OSGIN1: variants seen among roughly 807,000 people sequenced by gnomAD.
OSGIN1 encodes the protein oxidative stress-induced growth inhibitor 1.
Under a neutral mutation model 20.1 loss-of-function variants are expected in OSGIN1, and 19 were observed. The observed-to-expected ratio is 0.95, with a 90% CI of 0.66 to 1.39. OSGIN1 has a LOEUF of 1.39. OSGIN1 is among the 40% of genes most tolerant of loss of function. The probability of loss-of-function intolerance (pLI) is 0.00; values close to 1 mark genes in which losing one functional copy is unlikely to be tolerated. For missense variants in OSGIN1, 820 were observed against 653.0 expected (o/e 1.26, Z -2.79); for synonymous variants, 368 against 297.8 (o/e 1.24, Z -2.43).
rs1361979896 is a variant in OSGIN1 at position 83,953,340 on chromosome 16, C to G, written c.-63C>G. The G allele has an allele frequency of 2.3e-6, 3 of 1,288,962 alleles. No individual in the cohort carries two copies. The highest frequency in any genetic ancestry group is 1.5e-5 in the African/African-American group (1 of 65,964). 79.8% of individuals were successfully genotyped at this position (1,288,962 alleles called of 1,614,324 possible). ...CCTCCTAGTGCACAACTTGGCCGGG[C>G]TCACTGGGCTCCTGCACCACTGCCT... On this transcript the variant is annotated 5_prime_UTR_variant, in exon 1 of 6. Transcript: ENST00000393306.
chr16:83,957,803 G>T, intron 2 of OSGIN1, 65 bp downstream of exon 2: 1 of 849,140 alleles, frequency 1.2e-6, no homozygotes, highest in Non-Finnish European at 1.8e-6. Context: ...CCAGGTCTGA[G>T]GGCAGGAGCT....
chr16:83,961,327 C>G (rs1490958439), intron 5 of OSGIN1: 2 of 452,776 alleles, frequency 4.4e-6, no homozygotes. Flanking sequence ...AAAGCTGGGC[C>G]AGCTTGAAGC....
intron 2 of OSGIN1, among the ~76,000 whole-genome samples, chr16:83,958,519 A>G (rs1464451069): frequency 6.6e-6 from 1 of 152,196 alleles, no homozygotes. Flanking sequence ...TGAGATGGTC[A>G]TTTCTGTAAG....
At chr16:83,963,337 T>G (rs1273823113) in intron 5 of OSGIN1, among the ~76,000 whole-genome samples, 3 of 152,124 alleles carry the variant, frequency 2.0e-5, no homozygotes, top group Non-Finnish European at 4.4e-5. Flanking sequence ...AAACCATCCT[T>G]TTACATGGCC....
chr16:83,957,437 C>G (rs913780280), intron 1 of OSGIN1, among the ~76,000 whole-genome samples: 3 of 152,060 alleles, frequency 2.0e-5, no homozygotes, highest in East Asian at 1.9e-4. Context: ...TTCTGCATGA[C>G]TGGGGAGGGG....
intron 1 of OSGIN1, 54 bp from the exon 2 acceptor site, chr16:83,957,586 G>A (rs1042021656): frequency 1.0e-4 from 91 of 907,040 alleles, no homozygotes; most frequent in Non-Finnish European, 1.5e-4. Flanking sequence ...GTGGCTGTGT[G>A]GACACCCAGG....
In OSGIN1 at chr16:83,965,462, GCGGCCGACGCGGTCCTCTA is replaced by G; in HGVS notation, c.892_910del (p.Ala298ProfsTer8). ...CCTCATCATTGGCGCGGGGCTGTCA[GCGGCCGACGCGGTCCTCTA>G]CGCCCGCCACTACAACATCCCGGTG... is the stretch of plus-strand genomic sequence containing the variant. On this transcript the variant is annotated frameshift_variant, in exon 6 of 6. Coordinates refer to ENST00000393306, the MANE Select transcript of OSGIN1 (RefSeq NM_182981.3). LOFTEE classifies it low-confidence loss of function (END_TRUNC). 6.2e-7 allele frequency: 1 copy of G among 1,601,978 alleles called. No homozygotes were observed. Among genetic ancestry groups the G allele is most frequent in the Non-Finnish European group, 8.5e-7 (1 of 1,177,700 alleles).
At chr16:83,962,603 C>A (rs1177046789) in intron 5 of OSGIN1, among the ~76,000 whole-genome samples, 4 of 152,196 alleles carry the variant, frequency 2.6e-5, no homozygotes, top group Non-Finnish European at 4.4e-5. Flanking sequence ...TCAGGAGGTC[C>A]TGATAACATG....
chr16:83,958,956 C>T (rs1251359551), intron 2 of OSGIN1, among the ~76,000 whole-genome samples: 2 of 152,144 alleles, frequency 1.3e-5, no homozygotes, highest in African/African-American at 2.4e-5. Flanking sequence ...CTCTCTGTGC[C>T]CATTTCCTCA....
intron 5 of OSGIN1, among the ~76,000 whole-genome samples, chr16:83,962,273 C>G (rs139933279): frequency 1.7e-3 from 258 of 152,302 alleles, no homozygotes; most frequent in African/African-American, 5.7e-3. Context: ...AAGTCTCCCT[C>G]TGTCGCCCAG....
chr16:83,958,594 T>C (rs1909052929), intron 2 of OSGIN1, among the ~76,000 whole-genome samples: 1 of 152,164 alleles, frequency 6.6e-6, no homozygotes, highest in Non-Finnish European at 1.5e-5. Context: ...ATGAGTAATA[T>C]TCCGAATCAG....
rs1475259523 is a variant in OSGIN1 at position 83,965,227 on chromosome 16, C to T, written c.654C>T (p.Pro218=). ...PSSCGAQDSS[P]LFQVSGFLTR... ...GCTGTGGGGCCCAGGACTCCAGCCC[C>T]CTCTTCCAGGTGAGCGGCTTCCTGA... The change falls in exon 6 of 6, where the codon CCC becomes CCT. Residue 218 remains proline (P), a synonymous_variant. Coordinates refer to ENST00000393306, the MANE Select transcript of OSGIN1 (RefSeq NM_182981.3). The T allele has an allele frequency of 6.2e-7, 1 of 1,612,762 alleles. No homozygotes were observed. Among genetic ancestry groups the T allele is most frequent in the African/African-American group, 1.3e-5 (1 of 74,950 alleles).
Position 83,956,166 on chromosome 16 carries a change from G to A in OSGIN1, c.-32-1474G>A, listed in dbSNP as rs960684672. 4.6e-5 allele frequency among the ~76,000 whole-genome samples: 7 copies of A among 152,290 alleles called. 1 individual carries two copies. The highest frequency in any genetic ancestry group is 2.6e-4 in the Admixed American group (4 of 15,286). ...GGTCAGTTGTTGTCACTGTGGGGGC[G>A]ACACATAGGTCCTCTCAGTGGCCCA... On this transcript the variant is annotated intron_variant, in intron 1 of 5. Coordinates refer to ENST00000393306, the MANE Select transcript of OSGIN1 (RefSeq NM_182981.3).
intron 1 of OSGIN1, chr16:83,954,357 T>C (rs1908828318): frequency 6.6e-6 from 1 of 152,274 alleles, no homozygotes; most frequent in African/African-American, 2.4e-5. Flanking sequence ...ACTGTTTTCA[T>C]TTCTTTTATC....
chr16:83,958,546 GCCTGTGATTTCATATGGTTCTT>G (rs1567655550), intron 2 of OSGIN1, among the ~76,000 whole-genome samples: 1 of 152,236 alleles, frequency 6.6e-6, no homozygotes, highest in African/African-American at 2.4e-5. Flanking sequence ...GCAGATGGGT[GCCTGTGATTTCATATGGTTCTT>G]CCTGGTATCC....
chr16:83,965,470 C>T lies in OSGIN1; in HGVS notation c.897C>T (p.Asp299=), dbSNP rs777634739. 1.7e-5 allele frequency: 27 copies of T among 1,605,104 alleles called. No individual in the cohort carries two copies. The highest frequency in any genetic ancestry group is 3.3e-5 in the South Asian group (3 of 90,846). The change falls in exon 6 of 6, where the codon GAC becomes GAT. Residue 299 remains aspartate, a synonymous_variant. Coordinates refer to ENST00000393306, the MANE Select transcript of OSGIN1 (RefSeq NM_182981.3). The part of the protein sequence containing the change: ...LIIGAGLSAA[D]AVLYARHYNI... ...TTGGCGCGGGGCTGTCAGCGGCCGA[C>T]GCGGTCCTCTACGCCCGCCACTACA...
At chr16:83,955,618 G>C (rs1230974057) in intron 1 of OSGIN1, among the ~76,000 whole-genome samples, 1 of 152,316 alleles carries the variant, frequency 6.6e-6, no homozygotes, top group African/African-American at 2.4e-5. Flanking sequence ...CGTGTATTAA[G>C]TGTTGAGATC....
intron 1 of OSGIN1, among the ~76,000 whole-genome samples, chr16:83,956,289 C>G (rs1437405034): frequency 6.6e-6 from 1 of 152,254 alleles, no homozygotes; most frequent in African/African-American, 2.4e-5. Flanking sequence ...ACACACTGGT[C>G]TCAGCTGTGT....
chr16:83,964,801 T>C (rs1252462975), intron 5 of OSGIN1, among the ~76,000 whole-genome samples: 1 of 152,114 alleles, frequency 6.6e-6, no homozygotes, highest in East Asian at 1.9e-4. Flanking sequence ...CTCTGGAGGC[T>C]GCCCTCTGAA....
Sources: gnomAD v4.1 joint callset for allele counts (sites outside exome capture counted in the v4.1 genomes callset) on GRCh38, gnomAD v4.1.1 for gene constraint, MANE v1.5 for transcripts, NCBI Gene and HGNC (gene_info 2026-07-23, HGNC 2026-07-21) for gene names.